The following KANK1 variants were observed in gnomAD, a reference collection of about 807,000 sequenced individuals.
KANK1 encodes KN motif and ankyrin repeat domains 1, also known as KN motif and ankyrin repeat domain-containing protein 1.
KANK1 carries 109 observed loss-of-function variants against 106.2 expected under a neutral mutation model. The observed-to-expected ratio is 1.03, with a 90% CI of 0.88 to 1.20. KANK1 has a LOEUF of 1.20. Ranked by LOEUF, KANK1 falls within the 50% of genes most tolerant of loss-of-function variation. KANK1 has a pLI of 0.00. For synonymous variants in KANK1, 873 were observed against 652.2 expected, an observed-to-expected ratio of 1.34 and a Z score of -5.16; for missense variants, 2,399 against 1,710.7, an observed-to-expected ratio of 1.40 and a Z score of -7.10.
At chr9:726,961 T>C (rs1408060238) in intron 3 of KANK1, among the ~76,000 whole-genome samples, 1 of 152,184 alleles carries the variant, frequency 6.6e-6, no homozygotes, top group Non-Finnish European at 1.5e-5. Context: ...CAAGACACTC[T>C]CTCAATTAAA....
intron 1 of KANK1, among the ~76,000 whole-genome samples, chr9:529,258 TACAC>T (rs1010825051): frequency 8.7e-5 from 13 of 149,108 alleles, no homozygotes; most frequent in South Asian, 2.1e-4. Flanking sequence ...CACACACATA[TACAC>T]ACACACACAG....
chr9:556,433 C>T (rs1375035322), intron 1 of KANK1, among the ~76,000 whole-genome samples: 1 of 152,098 alleles, frequency 6.6e-6, no homozygotes. Context: ...TCAGCCAGAT[C>T]CAGATCTTAG....
intron 1 of KANK1, among the ~76,000 whole-genome samples, chr9:641,042 C>G (rs1563912214): frequency 6.6e-6 from 1 of 152,120 alleles, no homozygotes; most frequent in Non-Finnish European, 1.5e-5. Flanking sequence ...AAAGAGAGAG[C>G]TAAATTTTGA....
chr9:524,717 C>T (rs2059704720), intron 1 of KANK1, among the ~76,000 whole-genome samples: 1 of 151,522 alleles, frequency 6.6e-6, no homozygotes, highest in African/African-American at 2.4e-5. Flanking sequence ...GGCATTTCAC[C>T]ATGTTGGCCA....
chr9:535,135 G>C (rs891483853), intron 1 of KANK1, among the ~76,000 whole-genome samples: 2 of 152,168 alleles, frequency 1.3e-5, no homozygotes, highest in African/African-American at 2.4e-5. Flanking sequence ...TCCAGCAATA[G>C]AGTCACCCAA....
At chr9:725,216 C>G (rs1004104341) in intron 3 of KANK1, among the ~76,000 whole-genome samples, 2 of 152,120 alleles carry the variant, frequency 1.3e-5, no homozygotes, top group Admixed American at 1.3e-4. Flanking sequence ...AGTCCTGAAC[C>G]TAGCTGGCCT....
At chr9:567,742 C>G (rs1306075305) in intron 1 of KANK1, among the ~76,000 whole-genome samples, 6 of 152,232 alleles carry the variant, frequency 3.9e-5, no homozygotes, top group East Asian at 3.8e-4. Flanking sequence ...CCTCATGGAA[C>G]TTTGGTGCAG....
chr9:615,251 G>T (rs950497271), intron 1 of KANK1, among the ~76,000 whole-genome samples: 1 of 152,118 alleles, frequency 6.6e-6, no homozygotes, highest in Non-Finnish European at 1.5e-5. Context: ...TCATCTTTTT[G>T]ATACCAACAT....
chr9:618,804 C>T (rs553732627), intron 1 of KANK1, among the ~76,000 whole-genome samples: 1 of 152,094 alleles, frequency 6.6e-6, no homozygotes, highest in Non-Finnish European at 1.5e-5. Flanking sequence ...GGTGAACAGG[C>T]GGTGTTTTCT....
intron 1 of KANK1, among the ~76,000 whole-genome samples, chr9:572,244 C>G (rs1219993709): frequency 6.8e-6 from 1 of 146,634 alleles, no homozygotes; most frequent in Non-Finnish European, 1.5e-5. Context: ...CAGCCTTAAA[C>G]TCCTGGGCTC....
At chr9:671,131 T>C (rs1588763333) in intron 1 of KANK1, among the ~76,000 whole-genome samples, 1 of 152,050 alleles carries the variant, frequency 6.6e-6, no homozygotes, top group African/African-American at 2.4e-5. Context: ...AATTCTTATT[T>C]TGAGTGGCAA....
chr9:488,534 C>T (rs1425680445), intron 3 of KANK1, among the ~76,000 whole-genome samples: 2 of 152,284 alleles, frequency 1.3e-5, no homozygotes, highest in East Asian at 1.9e-4. Context: ...TGTTTGAACT[C>T]GAACACATCA....
rs200654635 is a variant in KANK1 at position 738,369 on chromosome 9, A to T, written c.3418A>T (p.Ile1140Leu). The change falls in exon 8 of 12, where the codon ATA becomes TTA. Residue 1140 changes from isoleucine (I) to leucine (L), a missense_variant. Coordinates refer to ENST00000382297, the MANE Select transcript of KANK1 (RefSeq NM_015158.5). ...CATTCCAGCCATGGTGGGGGACTACATAGCTGCTTTTGAGGCCATTTCCCC... is the reference window on the plus strand; with the variant it reads ...CATTCCAGCCATGGTGGGGGACTACTTAGCTGCTTTTGAGGCCATTTCCCC... Reference protein sequence around the residue: ...SAIPAMVGDYIAAFEAISPDV... With the variant: ...SAIPAMVGDYLAAFEAISPDV... The T allele has an allele frequency of 1.2e-6, 2 of 1,614,192 alleles. No individual in the cohort carries two copies. Among genetic ancestry groups the T allele is most frequent in the Non-Finnish European group, 8.5e-7 (1 of 1,180,028 alleles).
intron 1 of KANK1, among the ~76,000 whole-genome samples, chr9:644,818 T>C (rs916342379): frequency 6.6e-6 from 1 of 151,118 alleles, no homozygotes; most frequent in Non-Finnish European, 1.5e-5. Context: ...GCTGTGACAT[T>C]TTTTGTTTAA....
intron 1 of KANK1, among the ~76,000 whole-genome samples, chr9:540,276 T>A (rs1157928289): frequency 6.6e-6 from 1 of 152,234 alleles, no homozygotes; most frequent in Non-Finnish European, 1.5e-5. Flanking sequence ...TTTTTATACA[T>A]CTATTGAGAT....
chr9:480,357 G>C (rs1003430851), intron 3 of KANK1, among the ~76,000 whole-genome samples: 5 of 152,170 alleles, frequency 3.3e-5, no homozygotes, highest in African/African-American at 1.2e-4. Context: ...AAGGCTAGGT[G>C]GACACGTGCA....
chr9:598,670 G>A (rs1320263797), intron 1 of KANK1, among the ~76,000 whole-genome samples: 1 of 92,014 alleles, frequency 1.1e-5, no homozygotes. Context: ...TCATTCTGTT[G>A]CCCAGGCTGG....
chr9:684,354 G>A (rs1477942394), intron 2 of KANK1: 1 of 985,276 alleles, frequency 1.0e-6, no homozygotes, highest in Non-Finnish European at 1.2e-6. Flanking sequence ...AAACCCTTTG[G>A]TTGGGGATTT....
intron 1 of KANK1, among the ~76,000 whole-genome samples, chr9:607,898 C>T (rs568769402): frequency 2.6e-5 from 4 of 151,290 alleles, no homozygotes; most frequent in Non-Finnish European, 5.9e-5. Context: ...GGTACCTTTA[C>T]CTGGTTGTAT....
Sources: allele counts gnomAD v4.1 joint callset (sites outside exome capture counted in the v4.1 genomes callset), GRCh38; gene constraint gnomAD v4.1.1; transcripts MANE v1.5; gene names NCBI Gene and HGNC (gene_info 2026-07-23, HGNC 2026-07-21).